Variants in BCL3 observed in about 807,000 individuals in gnomAD.
BCL3 encodes BCL3 transcription coactivator, also known as B-cell lymphoma 3 protein.
Under a neutral mutation model 35.7 loss-of-function variants are expected in BCL3, and 15 were observed. The observed-to-expected ratio is 0.42, with a 90% CI of 0.28 to 0.65. The LOEUF (loss-of-function observed/expected upper bound fraction) is 0.65, where lower values mean the gene tolerates loss of function less well. Among genes scored for constraint, BCL3 ranks in the 30% least tolerant of loss-of-function variants. The pLI is 0.22. For synonymous variants in BCL3, 311 were observed against 284.3 expected (o/e 1.09, Z -0.95); for missense variants, 565 against 641.7 (o/e 0.88, Z 1.29).
At chr19:44,753,821 G>C (rs1368528634) in intron 2 of BCL3, among the ~76,000 whole-genome samples, 4 of 132,028 alleles carry the variant, frequency 3.0e-5, no homozygotes, top group Admixed American at 7.3e-5. Context: ...GGGCAGGAAG[G>C]CGGGGGCGGG....
At position 44,759,612 on chromosome 19, in the gene BCL3, C is replaced by G. The variant is rs1967384784; in HGVS notation, c.1362C>G (p.Ser454Arg). 6.2e-7 allele frequency: 1 copy of G among 1,602,920 alleles called. No homozygotes were observed. The highest frequency in any genetic ancestry group is 1.7e-5 in the Admixed American group (1 of 59,360). ...CCCCCTCCCCAGCTCCAGGAGGCAGCTGAGGGGGATGGGGGGGCAGATCTT... is the reference window on the plus strand; with the variant it reads ...CCCCCTCCCCAGCTCCAGGAGGCAGGTGAGGGGGATGGGGGGGCAGATCTT... ...PVPPSPAPGG[S>R] Residue 454 changes from serine (S) to arginine (R), a missense_variant, in exon 9 of 9, where the codon AGC (serine) becomes AGG (arginine). Physicochemically the swap from Ser to Arg is moderately radical, Grantham distance 110. Coordinates refer to ENST00000164227, the MANE Select transcript of BCL3 (RefSeq NM_005178.5).
chr19:44,756,302 G>C lies in BCL3; in HGVS notation c.481G>C (p.Gly161Arg), dbSNP rs765465163. The C allele has an allele frequency of 1.9e-6, 3 of 1,547,410 alleles. No homozygotes were observed. The highest frequency in any genetic ancestry group is 2.5e-5 in the East Asian group (1 of 40,248). The change falls in exon 3 of 9, where the codon GGG becomes CGG. Residue 161 changes from glycine (G) to arginine (R), a missense_variant. By Grantham distance (125) the Gly-to-Arg change is moderately radical. This residue lies in a region of BCL3 where 267 missense variants were observed against 281.5 expected (regional missense o/e 0.95). Coordinates refer to ENST00000164227, the MANE Select transcript of BCL3 (RefSeq NM_005178.5). ...VHRLVNLFQQ[G>R]GRELDIYNNL... is the part of the protein sequence containing the mutation. ...CCGGCTGGTCAACCTCTTCCAGCAG[G>C]GGGGCCGGGAGCTCGACATCTACAA...
chr19:44,754,359 A>T (rs1047277605), intron 2 of BCL3, among the ~76,000 whole-genome samples: 2 of 151,928 alleles, frequency 1.3e-5, no homozygotes, highest in Non-Finnish European at 2.9e-5. Flanking sequence ...ACCTCAAGGG[A>T]GCTAGGTCTT....
intron 2 of BCL3, among the ~76,000 whole-genome samples, chr19:44,754,320 G>A (rs763590334): frequency 5.5e-4 from 84 of 152,196 alleles, no homozygotes; most frequent in Non-Finnish European, 8.5e-4. Flanking sequence ...GGGAGGACTC[G>A]GGATTATGCG....
chr19:44,750,770 G>A (rs936698359), intron 1 of BCL3, among the ~76,000 whole-genome samples: 16 of 152,166 alleles, frequency 1.1e-4, no homozygotes, highest in African/African-American at 3.6e-4. Flanking sequence ...GCAACAGAGC[G>A]AGACTACATC....
intron 1 of BCL3, 49 bp from the exon 2 acceptor site, chr19:44,751,178 C>T (rs561374882): frequency 1.3e-6 from 2 of 1,566,396 alleles, no homozygotes; most frequent in East Asian, 2.4e-5. Context: ...GGTTGAGGGT[C>T]TGTGGGTGTG....
Position 44,759,833 on chromosome 19 carries a change from T to C in BCL3, c.*218T>C. ...TCCCAGGACTCTGACCCCAGCATTC[T>C]CAGGCACCAGTCCCTGTCCGGAATG... is the stretch of plus-strand genomic sequence containing the variant. On this transcript the variant is annotated 3_prime_UTR_variant, in exon 9 of 9. Coordinates refer to ENST00000164227, the MANE Select transcript of BCL3 (RefSeq NM_005178.5). 1 of 469,628 alleles carries C rather than the reference T, an allele frequency of 2.1e-6. No individual in the cohort carries two copies. Among genetic ancestry groups the C allele is most frequent in the Non-Finnish European group, 3.7e-6 (1 of 268,888 alleles). The allele number at this position is 469,628 out of a possible 1,614,324, so 29.1% of individuals were successfully genotyped here.
intron 6 of BCL3, among the ~76,000 whole-genome samples, 164 bp from the exon 7 acceptor site, chr19:44,758,082 G>A (rs1350332377): frequency 6.6e-6 from 1 of 152,148 alleles, no homozygotes; most frequent in Non-Finnish European, 1.5e-5. Flanking sequence ...CGCCGCCAAC[G>A]CAGTCCCGCT....
rs754616800 is a variant in BCL3, at chr19:44,757,290, C to A, written c.725-37C>A. The A allele has an allele frequency of 5.7e-6, 9 of 1,574,444 alleles. No homozygotes were observed. The highest frequency in any genetic ancestry group is 6.0e-6 in the Non-Finnish European group (7 of 1,159,568). ...TGGAGTCCATCAGCGGCCGCAAAGCCCGGGCCTAGGTTTCACCGAGCCCTC... is the reference window on the plus strand; with the variant it reads ...TGGAGTCCATCAGCGGCCGCAAAGCACGGGCCTAGGTTTCACCGAGCCCTC... On this transcript the variant is annotated intron_variant, in intron 4 of 8. Transcript: ENST00000164227. The surrounding 1 kb of genome is among the most constrained non-coding windows in gnomAD (Gnocchi z 8.4).
At chr19:44,754,328 G>A (rs911278041) in intron 2 of BCL3, among the ~76,000 whole-genome samples, 2 of 152,076 alleles carry the variant, frequency 1.3e-5, no homozygotes, top group Admixed American at 1.3e-4. Flanking sequence ...TCGGGATTAT[G>A]CGCCCCCCCT....
chr19:44,753,874 G>A (rs1220691889), intron 2 of BCL3, among the ~76,000 whole-genome samples: 1 of 151,754 alleles, frequency 6.6e-6, no homozygotes, highest in Non-Finnish European at 1.5e-5. Context: ...AGAAGTTGGG[G>A]AACTGTATTC....
In BCL3 at chr19:44,758,816, GAGC is replaced by G. The variant is rs752464096; in HGVS notation, c.1159_1161del (p.Ser387del). On this transcript the variant is annotated inframe_deletion, in exon 8 of 9. Coordinates refer to ENST00000164227, the MANE Select transcript of BCL3 (RefSeq NM_005178.5). ...ACCGGAGCGCCAACACCTCCCCCGA[GAGC>G]AGCAGCCGCCTCAGCTCCAATGGTG... 1.7e-5 allele frequency: 28 copies of G among 1,603,450 alleles called. No homozygotes were observed. In the South Asian group the frequency reaches 2.8e-4, roughly 16 times the overall value.
At chr19:44,758,643 C>G (rs538914142) in intron 7 of BCL3, 81 bp from the exon 8 acceptor site, 2 of 1,358,436 alleles carry the variant, frequency 1.5e-6, no homozygotes, top group Admixed American at 2.0e-5. Context: ...AGGCCACCAC[C>G]TGGATCCAGT....
intron 7 of BCL3, 59 bp from the exon 8 acceptor site, chr19:44,758,665 G>A (rs1404250791): frequency 2.8e-6 from 4 of 1,438,468 alleles, no homozygotes; most frequent in East Asian, 2.4e-5. Flanking sequence ...AGCTAGGAGG[G>A]ATGGGAGAGA....
In BCL3 at chr19:44,759,735, A is replaced by G; in HGVS notation, c.*120A>G. On this transcript the variant is annotated 3_prime_UTR_variant, in exon 9 of 9. Transcript: ENST00000164227. ...CCCCCCCCCCATCTTCGGGACCAGG[A>G]TTTGCACAGAAGCACATGCACCTAC... The G allele has an allele frequency of 5.6e-6, 3 of 538,628 alleles. No homozygotes were observed. Among genetic ancestry groups the G allele is most frequent in the Non-Finnish European group, 9.4e-6 (3 of 318,904 alleles). The allele number at this position is 538,628 out of a possible 1,614,324, so 33.4% of individuals were successfully genotyped here. A position where few individuals can be genotyped will look rare whatever the true frequency, so the allele number is the denominator to read the frequency against.
At chr19:44,754,340 C>T (rs1264996475) in intron 2 of BCL3, among the ~76,000 whole-genome samples, 1 of 152,012 alleles carries the variant, frequency 6.6e-6, no homozygotes, top group Non-Finnish European at 1.5e-5. Context: ...GCCCCCCCTA[C>T]ACACACACAC....
In BCL3 at chr19:44,751,208, T is replaced by C; in HGVS notation, c.257-19T>C. 1 of 1,597,422 alleles carries C rather than the reference T, an allele frequency of 6.3e-7. No individual in the cohort carries two copies. Among genetic ancestry groups the C allele is most frequent in the Non-Finnish European group, 8.5e-7 (1 of 1,174,280 alleles). On this transcript the variant is annotated intron_variant, in intron 1 of 8. Coordinates refer to ENST00000164227, the MANE Select transcript of BCL3 (RefSeq NM_005178.5). ...GGTGTGGCCTCACCCATGTCCCTTC[T>C]CTGTCCTCCATTGTCCAGGAGCCTT...
In BCL3 at chr19:44,758,357, A is replaced by G. The variant is rs1249342971; in HGVS notation, c.1003A>G (p.Ser335Gly). 1 of 1,552,874 alleles carries G rather than the reference A, an allele frequency of 6.4e-7. No homozygotes were observed. Among genetic ancestry groups the G allele is most frequent in the Admixed American group, 1.9e-5 (1 of 52,064 alleles). ...VRTLVRSGAD[S>G]SLKNCHNDTP... ...CACGCTGGTCCGCAGCGGCGCTGAC[A>G]GCAGCCTCAAGAACTGCCACAACGA... Residue 335 changes from serine to glycine, a missense_variant, in exon 7 of 9, where the codon AGC becomes GGC. This residue lies in a region of BCL3 where 39 missense variants were observed against 88.1 expected (regional missense o/e 0.44). Coordinates refer to ENST00000164227, the MANE Select transcript of BCL3 (RefSeq NM_005178.5).
chr19:44,748,937 C>A lies in BCL3; in HGVS notation c.147C>A (p.Gly49=). 8.2e-7 allele frequency: 1 copy of A among 1,216,046 alleles called. No individual in the cohort carries two copies. The highest frequency in any genetic ancestry group is 1.0e-6 in the Non-Finnish European group (1 of 975,314). The allele number at this position is 1,216,046 out of a possible 1,614,324, so 75.3% of individuals were successfully genotyped here. A position where few individuals can be genotyped will look rare whatever the true frequency, so the allele number is the denominator to read the frequency against. The change falls in exon 1 of 9, where the codon GGC becomes GGA. Residue 49 remains glycine (G), a synonymous_variant. Coordinates refer to ENST00000164227, the MANE Select transcript of BCL3 (RefSeq NM_005178.5). ...CCCCGGAGCCCGCCGCTCCCCGCGG[C>A]GCTGCGGGCCTTGTCGTCCCCCTGG... ...APSPEPAAPR[G]AAGLVVPLDP...
Sources: allele counts gnomAD v4.1 joint callset (sites outside exome capture counted in the v4.1 genomes callset), GRCh38; gene constraint gnomAD v4.1.1; regional missense constraint gnomAD v4.1.1; non-coding constraint Gnocchi (gnomAD v3.1); transcripts MANE v1.5; gene names NCBI Gene and HGNC (gene_info 2026-07-23, HGNC 2026-07-21).